The following PARP16 variants were observed in gnomAD, a reference collection of about 807,000 sequenced individuals.
PARP16 encodes poly(ADP-ribose) polymerase family member 16.
PARP16 carries 31 observed loss-of-function variants against 35.0 expected under a neutral mutation model. That is an observed-to-expected ratio of 0.88 (90% CI 0.66 to 1.19). PARP16 has a LOEUF of 1.19. Among genes scored for constraint, PARP16 ranks in the 50% most tolerant of loss-of-function variants. PARP16 has a pLI of 0.00. For missense variants in PARP16, 424 were observed against 411.2 expected (o/e 1.03, Z -0.27); for synonymous variants, 162 against 169.5 (o/e 0.96, Z 0.34).
chr15:65,261,018 C>T lies in PARP16; in HGVS notation c.700G>A (p.Glu234Lys). The change falls in exon 5 of 6, where the codon GAG (glutamate) becomes AAG (lysine). Residue 234 changes from glutamate to lysine, a missense_variant. Glu to Lys is a moderately conservative substitution (Grantham distance 56). Coordinates refer to ENST00000649807, the MANE Select transcript of PARP16 (RefSeq NM_001316943.2). ...KCQTKKKDSK[E>K]IDRRRARIKH... ...ATTCTCGCTCGTCTGCGATCTATCTCCTTGGAATCTGAATAAGGAGAGTAA... is the reference window on the plus strand; with the variant it reads ...ATTCTCGCTCGTCTGCGATCTATCTTCTTGGAATCTGAATAAGGAGAGTAA... 6.2e-7 allele frequency: 1 copy of T among 1,613,662 alleles called. No homozygotes were observed. Among genetic ancestry groups the T allele is most frequent in the South Asian group, 1.1e-5 (1 of 91,046 alleles).
At chr15:65,267,335 C>T (rs1173856689) in intron 2 of PARP16, among the ~76,000 whole-genome samples, 10 of 150,938 alleles carry the variant, frequency 6.6e-5, no homozygotes, top group South Asian at 2.1e-4. Context: ...GGGCTGGGTG[C>T]GGTGGCTCAC....
intron 1 of PARP16, among the ~76,000 whole-genome samples, chr15:65,274,389 C>T (rs2090186604): frequency 6.6e-6 from 1 of 151,856 alleles, no homozygotes; most frequent in Non-Finnish European, 1.5e-5. Context: ...GGCGAAACCG[C>T]ATCTCCACAA....
rs2090602854 is a variant in PARP16 at position 65,286,504 on chromosome 15, G to A, written c.-78C>T. 2 of 1,179,504 alleles carry A rather than the reference G, an allele frequency of 1.7e-6. No homozygotes were observed. Among genetic ancestry groups the A allele is most frequent in the Admixed American group, 3.6e-5 (1 of 27,586 alleles). The allele number at this position is 1,179,504 out of a possible 1,614,324, so 73.1% of individuals were successfully genotyped here. On this transcript the variant is annotated 5_prime_UTR_variant, in exon 1 of 6. Transcript: ENST00000649807. ...AGCGTGCGTTCAGCGCGGGGGCTGG[G>A]CCCGCGGACAATGGGCCGTCAGGGG...
At chr15:65,256,012 G>T (rs186618269), downstream of PARP16, among the ~76,000 whole-genome samples, 1 of 152,278 alleles carries the variant, frequency 6.6e-6, no homozygotes, top group Non-Finnish European at 1.5e-5. Flanking sequence ...TTCCTGCTGA[G>T]TTTGCCAATA....
chr15:65,248,850 T>A (rs956717186), intron 2 of PARP16, among the ~76,000 whole-genome samples: 1 of 152,166 alleles, frequency 6.6e-6, no homozygotes, highest in East Asian at 1.9e-4. Context: ...TGTTATACGT[T>A]GTGGGGAGCT....
chr15:65,282,127 C>T (rs2090438203), intron 1 of PARP16, among the ~76,000 whole-genome samples: 2 of 152,200 alleles, frequency 1.3e-5, no homozygotes, highest in South Asian at 4.1e-4. Flanking sequence ...CCTCCGACCT[C>T]AGCCTCCCAA....
chr15:65,269,205 T>TCTCTCTCTCTCTCCTCTCTCTC (rs1567029678), intron 2 of PARP16, among the ~76,000 whole-genome samples: 1 of 147,308 alleles, frequency 6.8e-6, no homozygotes, highest in African/African-American at 2.6e-5. Flanking sequence ...TCTTTCTTTC[T>TCTCTCTCTCTCTCCTCTCTCTC]TTTTTTTTTG....
intron 3 of PARP16, chr15:65,234,903 C>A (rs1015231468): frequency 2.0e-5 from 3 of 152,202 alleles, no homozygotes; most frequent in Non-Finnish European, 2.9e-5. Context: ...GTAATCCCAG[C>A]ACTTTGGGAG....
At position 65,266,561 on chromosome 15, in the gene PARP16, C is replaced by T. The variant is rs747774693; in HGVS notation, c.519+1G>A. On this transcript the variant is annotated splice_donor_variant, in intron 3 of 5. Transcript: ENST00000649807. LOFTEE classifies it high-confidence loss of function. ...TCAGCAGGGTGTCCCTTAGGCCCCA[C>T]CTTGTTCAGATGGCAGTGCAGGCCA... The T allele has an allele frequency of 1.9e-6, 3 of 1,612,552 alleles. No homozygotes were observed. Among genetic ancestry groups the T allele is most frequent in the South Asian group, 1.1e-5 (1 of 91,048 alleles).
In PARP16 at chr15:65,260,928, G is replaced by A. The variant is rs763105629; in HGVS notation, c.790C>T (p.Arg264Ter). The A allele has an allele frequency of 7.4e-6, 12 of 1,613,774 alleles. No individual in the cohort carries two copies. The highest frequency in any genetic ancestry group is 4.5e-5 in the East Asian group (2 of 44,888). Residue 264 changes from arginine (R) to a stop codon, truncating the protein, a stop_gained, in exon 5 of 6, where the codon CGA becomes TGA. Coordinates refer to ENST00000649807, the MANE Select transcript of PARP16 (RefSeq NM_001316943.2). LOFTEE classifies it high-confidence loss of function. ...GAATACACCAGGAGGTACTTCACTC[G>A]CAGCAGCTGGTTATTGGTGACCACG... ...YFVVTNNQLL[R>*]VKYLLVYSQK...
At chr15:65,243,785 T>C (rs1369769397) in intron 3 of PARP16, among the ~76,000 whole-genome samples, 1 of 152,188 alleles carries the variant, frequency 6.6e-6, no homozygotes, top group Non-Finnish European at 1.5e-5. Flanking sequence ...ATATTTATTC[T>C]TGAATATGTG....
At chr15:65,248,178 CCA>C (rs774563846) in exon 3 of PARP16, 1 of 456,470 alleles carries the variant, frequency 2.2e-6, no homozygotes, top group Non-Finnish European at 4.4e-6. Context: ...CTTTAGATGG[CCA>C]CACTCTGGCT....
At chr15:65,280,807 A>G (rs949608681) in intron 1 of PARP16, among the ~76,000 whole-genome samples, 4 of 151,640 alleles carry the variant, frequency 2.6e-5, no homozygotes, top group Admixed American at 2.0e-4. Context: ...AAGAGGGAGG[A>G]AAAAAAAGAG....
At chr15:65,242,901 G>T (rs1306816286) in intron 3 of PARP16, among the ~76,000 whole-genome samples, 1 of 151,928 alleles carries the variant, frequency 6.6e-6, no homozygotes, top group Admixed American at 6.6e-5. Context: ...TTTTAGTAGA[G>T]ACAGGGTTTC....
chr15:65,286,252 C>A lies in PARP16; in HGVS notation c.174+1G>T. 6.4e-7 allele frequency: 1 copy of A among 1,574,488 alleles called. No homozygotes were observed. The highest frequency in any genetic ancestry group is 8.6e-7 in the Non-Finnish European group (1 of 1,163,448). ...GCAGCGCCAGGACAAAGCACACTCA[C>A]CAGGGCTTCAAAGTCCTTACAGTCG... On this transcript the variant is annotated splice_donor_variant, in intron 1 of 5. Coordinates refer to ENST00000649807, the MANE Select transcript of PARP16 (RefSeq NM_001316943.2). LOFTEE classifies it high-confidence loss of function.
downstream of PARP16, among the ~76,000 whole-genome samples, chr15:65,256,888 T>C (rs774199756): frequency 2.6e-5 from 4 of 152,196 alleles, no homozygotes; most frequent in Non-Finnish European, 4.4e-5. Context: ...CTAGAACCAA[T>C]TCCTCTGGGG....
chr15:65,272,693 T>C (rs2090129744), intron 1 of PARP16, among the ~76,000 whole-genome samples: 1 of 152,130 alleles, frequency 6.6e-6, no homozygotes, highest in African/African-American at 2.4e-5. Flanking sequence ...AGAACTGTCT[T>C]GTGTTTTTCC....
At chr15:65,240,851 G>A (rs2089055387) in intron 3 of PARP16, among the ~76,000 whole-genome samples, 1 of 151,212 alleles carries the variant, frequency 6.6e-6, no homozygotes, top group African/African-American at 2.4e-5. Context: ...TTATTGTTTT[G>A]AGACAGAGTC....
chr15:65,279,635 G>A (rs970280168), intron 1 of PARP16, among the ~76,000 whole-genome samples: 1 of 152,178 alleles, frequency 6.6e-6, no homozygotes, highest in Non-Finnish European at 1.5e-5. Context: ...TAATCTGAGA[G>A]ATCAAGAATC....
Sources: gnomAD v4.1 joint callset for allele counts (sites outside exome capture counted in the v4.1 genomes callset) on GRCh38, gnomAD v4.1.1 for gene constraint, MANE v1.5 for transcripts, NCBI Gene and HGNC (gene_info 2026-07-23, HGNC 2026-07-21) for gene names.